The following SOX15 variants were observed in gnomAD, a reference collection of about 807,000 sequenced individuals.
SOX15 encodes the protein transcription factor SOX-15.
A neutral mutation model predicts 15.9 loss-of-function variants in SOX15; 12 were observed. The ratio of observed to expected loss-of-function variants is 0.75; its 90% CI spans 0.48 to 1.22. SOX15 has a LOEUF of 1.22. Ranked by LOEUF, SOX15 falls within the 50% of genes most tolerant of loss-of-function variation. The pLI is 0.00. For synonymous variants in SOX15, 149 were observed against 142.8 expected (o/e 1.04, Z -0.31); for missense variants, 309 against 313.9 (o/e 0.98, Z 0.12).
chr17:7,589,853 G>T lies in SOX15; in HGVS notation c.-177C>A. On this transcript the variant is annotated 5_prime_UTR_variant, in exon 1 of 2. Coordinates refer to ENST00000250055, the MANE Select transcript of SOX15 (RefSeq NM_006942.2). ...AAACCGGAGCCTTTGCTTCCAACCTGTTCGGCACACTTTGGGGAGAGTCGA... is the reference window on the plus strand; with the variant it reads ...AAACCGGAGCCTTTGCTTCCAACCTTTTCGGCACACTTTGGGGAGAGTCGA... The T allele has an allele frequency of 1.6e-6, 1 of 614,470 alleles. No individual in the cohort carries two copies. The highest frequency in any genetic ancestry group is 2.8e-6 in the Non-Finnish European group (1 of 359,710). 38.1% of individuals were successfully genotyped at this position (614,470 alleles called of 1,614,324 possible).
In SOX15 at chr17:7,589,199, C is replaced by T; in HGVS notation, c.478G>A (p.Gly160Ser). 6.5e-7 allele frequency: 1 copy of T among 1,537,268 alleles called. No individual in the cohort carries two copies. Among genetic ancestry groups the T allele is most frequent in the South Asian group, 1.2e-5 (1 of 83,024 alleles). ...PGYATTQPSR[G>S]FGYRPPSYST... ...TAGCTGGGGGGTCTGTACCCAAAGC[C>T]TCTGCTCGGTTGGGTGGTCGCGTAC... The change falls in exon 1 of 2, where the codon GGC becomes AGC. Residue 160 changes from glycine (G) to serine (S), a missense_variant. Coordinates refer to ENST00000250055, the MANE Select transcript of SOX15 (RefSeq NM_006942.2).
intron 1 of SOX15, 163 bp downstream of exon 1, chr17:7,588,981 C>T (rs2071627877): frequency 3.1e-6 from 2 of 643,352 alleles, no homozygotes; most frequent in Non-Finnish European, 5.2e-6. Context: ...TGATCCGCCC[C>T]ACCCTACACA....
rs143241434 is a variant in SOX15, at chr17:7,589,984, G to A, written c.-308C>T. 336 of 425,342 alleles carry A rather than the reference G, an allele frequency of 7.9e-4. 3 individuals are homozygous for A. Among genetic ancestry groups the A allele is most frequent in the Non-Finnish European group, 9.7e-4 (231 of 238,160 alleles). 26.3% of individuals were successfully genotyped at this position (425,342 alleles called of 1,614,324 possible). A position where few individuals can be genotyped will look rare whatever the true frequency, so the allele number is the denominator to read the frequency against. On this transcript the variant is annotated 5_prime_UTR_variant, in exon 1 of 2. Transcript: ENST00000250055. Reference sequence around the variant, plus strand: ...CCCGACCCGCAGCTGCGATCAGACCGACCTTCCGTGGAGGGGGTAAACCAT... The same window carrying A: ...CCCGACCCGCAGCTGCGATCAGACCAACCTTCCGTGGAGGGGGTAAACCAT...
chr17:7,588,657 G>C, intron 1 of SOX15, 111 bp from the exon 2 acceptor site: 5 of 1,192,844 alleles, frequency 4.2e-6, no homozygotes, highest in Non-Finnish European at 6.1e-6. Context: ...TGGCTACCCA[G>C]CCCGCTGGGC....
chr17:7,588,691 C>T (rs2071624943), intron 1 of SOX15, 145 bp from the exon 2 acceptor site: 2 of 890,852 alleles, frequency 2.2e-6, no homozygotes, highest in Non-Finnish European at 1.8e-6. Context: ...AAGCCGACCC[C>T]GGGATGGAGA....
chr17:7,588,734 G>T (rs569343358), intron 1 of SOX15, among the ~76,000 whole-genome samples, 188 bp from the exon 2 acceptor site: 5 of 152,170 alleles, frequency 3.3e-5, no homozygotes, highest in African/African-American at 1.2e-4. Context: ...GCTCGGGAGC[G>T]GGCTTGCGTG....
Position 7,588,390 on chromosome 17 carries a change from TA to T in SOX15, c.689del (p.Leu230GlnfsTer21), listed in dbSNP as rs1400165012. On this transcript the variant is annotated frameshift_variant, in exon 2 of 2. Coordinates refer to ENST00000250055, the MANE Select transcript of SOX15 (RefSeq NM_006942.2). LOFTEE classifies it high-confidence loss of function. ...GCGTCCATGAGGGTTAGAGGTGGGTTAGGGGCATGGGGGCACCAGCAAGGGG... is the reference window on the plus strand; with the variant it reads ...GCGTCCATGAGGGTTAGAGGTGGGTTGGGGCATGGGGGCACCAGCAAGGGG... ...NPPLAGAPMP[L>X]THL 6.2e-7 allele frequency: 1 copy of T among 1,613,074 alleles called. No homozygotes were observed. Among genetic ancestry groups the T allele is most frequent in the East Asian group, 2.2e-5 (1 of 44,824 alleles).
chr17:7,588,608 T>A, intron 1 of SOX15, 62 bp from the exon 2 acceptor site: 1 of 1,528,906 alleles, frequency 6.5e-7, no homozygotes, highest in Non-Finnish European at 9.0e-7. Flanking sequence ...TCTGGCCAGT[T>A]CTGGGCAGAC....
rs755842358 is a variant in SOX15 at position 7,588,457 on chromosome 17, G to A, written c.623C>T (p.Thr208Ile). 2 of 1,613,878 alleles carry A rather than the reference G, an allele frequency of 1.2e-6. No homozygotes were observed. The highest frequency in any genetic ancestry group is 1.7e-6 in the Non-Finnish European group (2 of 1,179,842). The change falls in exon 2 of 2, where the codon ACC (threonine) becomes ATC (isoleucine). Residue 208 changes from threonine (T) to isoleucine (I), a missense_variant. By Grantham distance (89) the Thr-to-Ile change is moderately conservative (BLOSUM62 -1). Transcript: ENST00000250055. ...GGGAGAGCCAGGGGGCAGGTAGTGGGTATAGGTGGGCAGCAGTTCCCCCTG... is the reference window on the plus strand; with the variant it reads ...GGGAGAGCCAGGGGGCAGGTAGTGGATATAGGTGGGCAGCAGTTCCCCCTG... The part of the protein sequence containing the change: ...RLQGELLPTY[T>I]HYLPPGSPTP...
In SOX15 at chr17:7,588,945, G is replaced by C. The variant is rs1026860854; in HGVS notation, c.533+199C>G. On this transcript the variant is annotated intron_variant, in intron 1 of 1. Coordinates refer to ENST00000250055, the MANE Select transcript of SOX15 (RefSeq NM_006942.2). The stretch of plus-strand genomic sequence containing the variant: ...ACAGGGCCCACCACCTTCAGACTGA[G>C]ATGGAAACGCCCTCTGGGAGAACCC... 42 of 594,884 alleles carry C rather than the reference G, an allele frequency of 7.1e-5. No individual in the cohort carries two copies. In the East Asian group the frequency reaches 1.2e-3, roughly 17 times the overall value. The allele number at this position is 594,884 out of a possible 1,614,324, so 36.9% of individuals were successfully genotyped here.
In SOX15 at chr17:7,588,978, C is replaced by T. The variant is rs2071627842; in HGVS notation, c.533+166G>A. The T allele has an allele frequency of 7.8e-6, 5 of 639,616 alleles. No individual in the cohort carries two copies. The Admixed American group carries it at 9.5e-5, about 12-fold the overall frequency. The allele number at this position is 639,616 out of a possible 1,614,324, so 39.6% of individuals were successfully genotyped here. Reference sequence around the variant, plus strand: ...CGCCCTCTGGGAGAACCCTGATCCGCCCCACCCTACACAGGCCCCGGAGGT... The same window carrying T: ...CGCCCTCTGGGAGAACCCTGATCCGTCCCACCCTACACAGGCCCCGGAGGT... On this transcript the variant is annotated intron_variant, in intron 1 of 1. Transcript: ENST00000250055.
chr17:7,589,780 GGAACTTGGGTCCTT>G lies in SOX15; in HGVS notation c.-118_-105del. ...CTTCCCAGTCTGGAGTCGTTGCCGAGGAACTTGGGTCCTTAAAAAGTGTATTTTATCCCCAAGCC... is the reference window on the plus strand; with the variant it reads ...CTTCCCAGTCTGGAGTCGTTGCCGAGAAAAAGTGTATTTTATCCCCAAGCC... On this transcript the variant is annotated 5_prime_UTR_variant, in exon 1 of 2. Coordinates refer to ENST00000250055, the MANE Select transcript of SOX15 (RefSeq NM_006942.2). 9.6e-7 allele frequency: 1 copy of G among 1,037,340 alleles called. No individual in the cohort carries two copies. The highest frequency in any genetic ancestry group is 1.4e-6 in the Non-Finnish European group (1 of 734,854). 64.3% of individuals were successfully genotyped at this position (1,037,340 alleles called of 1,614,324 possible).
chr17:7,589,263 T>C lies in SOX15; in HGVS notation c.414A>G (p.Arg138=), dbSNP rs1471216401. The C allele has an allele frequency of 1.3e-6, 2 of 1,558,766 alleles. No homozygotes were observed. Among genetic ancestry groups the C allele is most frequent in the Non-Finnish European group, 1.7e-6 (2 of 1,151,948 alleles). The change falls in exon 1 of 2, where the codon AGA becomes AGG. Residue 138 remains arginine, a synonymous_variant. Coordinates refer to ENST00000250055, the MANE Select transcript of SOX15 (RefSeq NM_006942.2). ...GCGGGCCGCCGCTGGCCAGGTTGCCTCTTCCCTGTCCGCAGCGGGAAGGTC... is the reference window on the plus strand; with the variant it reads ...GCGGGCCGCCGCTGGCCAGGTTGCCCCTTCCCTGTCCGCAGCGGGAAGGTC... ...GAGPSRCGQG[R]GNLASGGPLW...
chr17:7,589,650 G>C lies in SOX15; in HGVS notation c.27C>G (p.Asp9Glu), dbSNP rs1429461425. MALPGSSQ[D>E]QAWSLEPPAA... ...CCGGAGGCTCCAGGCTCCAGGCCTG[G>C]TCCTGTGAGGAGCCTGGTAGCGCCA... Residue 9 changes from aspartate to glutamate, a missense_variant, in exon 1 of 2, where the codon GAC becomes GAG. Asp to Glu is a conservative substitution (Grantham distance 45). Transcript: ENST00000250055. 1.3e-6 allele frequency: 2 copies of C among 1,544,794 alleles called. No individual in the cohort carries two copies. Among genetic ancestry groups the C allele is most frequent in the Non-Finnish European group, 1.7e-6 (2 of 1,148,178 alleles).
In SOX15 at chr17:7,589,343, C is replaced by A. The variant is rs569228608; in HGVS notation, c.334G>T (p.Asp112Tyr). Reference protein sequence around the residue: ...AKRLRARHLRDYPDYKYRPRR... With the variant: ...AKRLRARHLRYYPDYKYRPRR... Reference sequence around the variant, plus strand: ...GGCCGGTACTTGTAGTCGGGGTAGTCGCGCAGGTGTCGGGCGCGGAGCCGC... The same window carrying A: ...GGCCGGTACTTGTAGTCGGGGTAGTAGCGCAGGTGTCGGGCGCGGAGCCGC... The change falls in exon 1 of 2, where the codon GAC becomes TAC. Residue 112 changes from aspartate to tyrosine, a missense_variant. Coordinates refer to ENST00000250055, the MANE Select transcript of SOX15 (RefSeq NM_006942.2). The A allele has an allele frequency of 3.1e-6, 5 of 1,608,446 alleles. No individual in the cohort carries two copies. The highest frequency in any genetic ancestry group is 1.1e-5 in the South Asian group (1 of 90,502).
At position 7,589,206 on chromosome 17, in the gene SOX15, C is replaced by G; in HGVS notation, c.471G>C (p.Pro157=). The G allele has an allele frequency of 1.3e-6, 2 of 1,539,028 alleles. No individual in the cohort carries two copies. Among genetic ancestry groups the G allele is most frequent in the Non-Finnish European group, 1.8e-6 (2 of 1,140,544 alleles). ...LWGPGYATTQ[P]SRGFGYRPPS... is the part of the protein sequence containing the mutation. ...GGGGTCTGTACCCAAAGCCTCTGCTCGGTTGGGTGGTCGCGTACCCCGGCC... is the reference window on the plus strand; with the variant it reads ...GGGGTCTGTACCCAAAGCCTCTGCTGGGTTGGGTGGTCGCGTACCCCGGCC... The change falls in exon 1 of 2, where the codon CCG becomes CCC. Residue 157 remains proline (P), a synonymous_variant. Transcript: ENST00000250055.
chr17:7,588,579 T>G (rs1248657401), intron 1 of SOX15, 33 bp from the exon 2 acceptor site: 14 of 1,608,482 alleles, frequency 8.7e-6, no homozygotes, highest in Non-Finnish European at 1.1e-5. Context: ...AGAGGGCACT[T>G]CCCTGGGTTG....
In SOX15 at chr17:7,588,389, T is replaced by C. The variant is rs1383145259; in HGVS notation, c.691A>G (p.Thr231Ala). ...PPLAGAPMPL[T>A]HL is the part of the protein sequence containing the mutation. ...TGCGTCCATGAGGGTTAGAGGTGGG[T>C]TAGGGGCATGGGGGCACCAGCAAGG... The change falls in exon 2 of 2, where the codon ACC becomes GCC. Residue 231 changes from threonine (T) to alanine (A), a missense_variant. Transcript: ENST00000250055. 2 of 1,612,544 alleles carry C rather than the reference T, an allele frequency of 1.2e-6. No homozygotes were observed. The highest frequency in any genetic ancestry group is 2.7e-5 in the African/African-American group (2 of 74,666).
rs765817443 is a variant in SOX15 at position 7,588,343 on chromosome 17, T to G, written c.*35A>C. 12 of 1,605,810 alleles carry G rather than the reference T, an allele frequency of 7.5e-6. No individual in the cohort carries two copies. The South Asian group carries it at 1.3e-4, about 18-fold the overall frequency. ...ATGCTGCTGGATTAAAAAAGGAGGA[T>G]GAGGCCCGTCCCGTGAGGTCTGCGT... On this transcript the variant is annotated 3_prime_UTR_variant, in exon 2 of 2. Transcript: ENST00000250055.
Sources: gnomAD v4.1 joint callset for allele counts (sites outside exome capture counted in the v4.1 genomes callset) on GRCh38, gnomAD v4.1.1 for gene constraint, MANE v1.5 for transcripts, NCBI Gene and HGNC (gene_info 2026-07-23, HGNC 2026-07-21) for gene names.